TMEM129: variants seen among roughly 807,000 people sequenced by gnomAD.
TMEM129 encodes transmembrane protein 129, E3 ubiquitin ligase.
A neutral mutation model predicts 34.1 loss-of-function variants in TMEM129; 35 were observed. That is an observed-to-expected ratio of 1.03 (90% CI 0.78 to 1.36). The LOEUF is 1.36. TMEM129 is among the 40% of genes most tolerant of loss of function. TMEM129 has a pLI of 0.00. For missense variants in TMEM129, 504 were observed against 512.6 expected, an observed-to-expected ratio of 0.98 and a Z score of 0.16; for synonymous variants, 239 against 217.3, an observed-to-expected ratio of 1.10 and a Z score of -0.88.
chr4:1,717,664 G>A lies in TMEM129; in HGVS notation c.692C>T (p.Thr231Ile). The A allele has an allele frequency of 1.3e-6, 2 of 1,519,922 alleles. No homozygotes were observed. Among genetic ancestry groups the A allele is most frequent in the South Asian group, 1.3e-5 (1 of 79,560 alleles). The allele number at this position is 1,519,922 out of a possible 1,614,324, so 94.2% of individuals were successfully genotyped here. A position where few individuals can be genotyped will look rare whatever the true frequency, so the allele number is the denominator to read the frequency against. The change falls in exon 3 of 4, where the codon ACT becomes ATT. Residue 231 changes from threonine (T) to isoleucine (I), a missense_variant. Transcript: ENST00000382936. ...VQAFDIWLNS[T>I]EYGELCEKLR... is the part of the protein sequence containing the mutation. ...CTTCTCGCAGAGCTCCCCGTACTCA[G>A]TGGAGTTCAGCCTGCAGGGAGGAGA...
Position 1,718,259 on chromosome 4 carries a change from C to T in TMEM129, c.573G>A (p.Val191=), listed in dbSNP as rs753969679. The T allele has an allele frequency of 2.5e-6, 4 of 1,610,736 alleles. No homozygotes were observed. The highest frequency in any genetic ancestry group is 3.4e-6 in the Non-Finnish European group (4 of 1,178,812). The change falls in exon 2 of 4, where the codon GTG becomes GTA. Residue 191 remains valine, a synonymous_variant. Transcript: ENST00000382936. ...AGAGCTCATGCTGCCGAGACTCCGTCACAGTCAGGTGCACGTCCTGCTGCT... is the reference window on the plus strand; with the variant it reads ...AGAGCTCATGCTGCCGAGACTCCGTTACAGTCAGGTGCACGTCCTGCTGCT... ...VAQQQDVHLT[V]TESRQHELSP...
At position 1,718,425 on chromosome 4, in the gene TMEM129, G is replaced by A. The variant is rs1156267059; in HGVS notation, c.407C>T (p.Ser136Phe). Residue 136 changes from serine to phenylalanine, a missense_variant, in exon 2 of 4, where the codon TCT (serine) becomes TTT (phenylalanine). By Grantham distance (155) the Ser-to-Phe change is radical. Coordinates refer to ENST00000382936, the MANE Select transcript of TMEM129 (RefSeq NM_001127266.2). ...AGAGGAGGCAACAGCCTGCCAGCCA[G>A]ACTGTGGGAGGGCGTAGAGGGCCAG... ...RTLALYALPQ[S>F]GWQAVASSVN... 1 of 1,596,972 alleles carries A rather than the reference G, an allele frequency of 6.3e-7. No individual in the cohort carries two copies. Among genetic ancestry groups the A allele is most frequent in the African/African-American group, 1.3e-5 (1 of 74,626 alleles).
chr4:1,719,837 G>A (rs888164926), intron 1 of TMEM129, among the ~76,000 whole-genome samples: 16 of 152,250 alleles, frequency 1.1e-4, no homozygotes, highest in African/African-American at 3.4e-4. Context: ...GCCTCCACCC[G>A]ACACCTGCCT....
Position 1,719,280 on chromosome 4 carries a change from G to A in TMEM129, c.206-654C>T, listed in dbSNP as rs7695106. 277 of 455,402 alleles carry A rather than the reference G, an allele frequency of 6.1e-4. 1 individual carries two copies. The highest frequency in any genetic ancestry group is 5.0e-3 in the African/African-American group (250 of 50,166). The allele number at this position is 455,402 out of a possible 1,614,324, so 28.2% of individuals were successfully genotyped here. ...AACAATAGGTAACTAGGGGCCGGGT[G>A]CAGTGGCTCACACCTGTAATCCCAG... is the stretch of plus-strand genomic sequence containing the variant. On this transcript the variant is annotated intron_variant, in intron 1 of 3. Transcript: ENST00000382936.
Position 1,720,617 on chromosome 4 carries a change from G to A in TMEM129, c.205+16C>T, listed in dbSNP as rs1353343366. ...GCGCAGGAGAGGATGCGGCCGGCCG[G>A]CCCGAGCAGCCTCACCGAGCGGCAG... On this transcript the variant is annotated intron_variant, in intron 1 of 3. Coordinates refer to ENST00000382936, the MANE Select transcript of TMEM129 (RefSeq NM_001127266.2). The surrounding 1 kb of genome is among the most constrained non-coding windows in gnomAD (Gnocchi z 4.4). The A allele has an allele frequency of 1.3e-6, 2 of 1,533,040 alleles. No individual in the cohort carries two copies. Among genetic ancestry groups the A allele is most frequent in the Non-Finnish European group, 1.7e-6 (2 of 1,143,080 alleles). 95.0% of individuals were successfully genotyped at this position (1,533,040 alleles called of 1,614,324 possible). A position where few individuals can be genotyped will look rare whatever the true frequency, so the allele number is the denominator to read the frequency against.
rs924560908 is a variant in TMEM129, at chr4:1,716,113, A to G, written c.*1067T>C. 6.6e-6 allele frequency: 1 copy of G among 152,254 alleles called. No homozygotes were observed. Among genetic ancestry groups the G allele is most frequent in the African/African-American group, 2.4e-5 (1 of 41,460 alleles). 9.4% of individuals were successfully genotyped at this position (152,254 alleles called of 1,614,324 possible). A position where few individuals can be genotyped will look rare whatever the true frequency, so the allele number is the denominator to read the frequency against. On this transcript the variant is annotated 3_prime_UTR_variant, in exon 4 of 4. Transcript: ENST00000382936. ...TCAAAGCTAGGCCTGGCTCCCGGCC[A>G]TGGCCCCTGCTGCCTTCACCTGCTG...
chr4:1,718,643 G>A lies in TMEM129; in HGVS notation c.206-17C>T, dbSNP rs1717113631. On this transcript the variant is annotated splice_polypyrimidine_tract_variant and intron_variant, in intron 1 of 3. Transcript: ENST00000382936. ...CATAGTAGCCTGCAAAGGACAGGGT[G>A]AGCCTCAGGGGAAAGTGAGTGGCAG... 6.9e-7 allele frequency: 1 copy of A among 1,443,964 alleles called. No homozygotes were observed. The highest frequency in any genetic ancestry group is 2.9e-5 in the Admixed American group (1 of 34,952). The allele number at this position is 1,443,964 out of a possible 1,614,324, so 89.4% of individuals were successfully genotyped here.
In TMEM129 at chr4:1,721,086, A is replaced by C. The variant is rs1052519136; in HGVS notation, c.-249T>G. 1.1e-5 allele frequency: 3 copies of C among 275,718 alleles called. No individual in the cohort carries two copies. Among genetic ancestry groups the C allele is most frequent in the African/African-American group, 6.8e-5 (3 of 44,016 alleles). 17.1% of individuals were successfully genotyped at this position (275,718 alleles called of 1,614,324 possible). A position where few individuals can be genotyped will look rare whatever the true frequency, so the allele number is the denominator to read the frequency against. On this transcript the variant is annotated 5_prime_UTR_variant, in exon 1 of 4. The change abolishes the stop of an existing upstream ORF in the 5' untranslated region. Transcript: ENST00000382936. The stretch of plus-strand genomic sequence containing the variant: ...CGCCCGGCCGCCCGCGGGGCACTCT[A>C]GGGCATGGAGTCCCGCCGCTCGGCC...
rs1717102639 is a variant in TMEM129 at position 1,718,511 on chromosome 4, G to A, written c.321C>T (p.Ala107=). 2 of 1,533,024 alleles carry A rather than the reference G, an allele frequency of 1.3e-6. No homozygotes were observed. The highest frequency in any genetic ancestry group is 1.8e-6 in the Non-Finnish European group (2 of 1,134,282). The allele number at this position is 1,533,024 out of a possible 1,614,324, so 95.0% of individuals were successfully genotyped here. ...LLLAVTLPSI[A]CILIYYWSRD... Reference sequence around the variant, plus strand: ...GGGACCAGTAGTAGATCAGGATGCAGGCGATGGAGGGGAGGGTCACGGCCA... The same window carrying A: ...GGGACCAGTAGTAGATCAGGATGCAAGCGATGGAGGGGAGGGTCACGGCCA... Residue 107 remains alanine, a synonymous_variant, in exon 2 of 4, where the codon GCC becomes GCT. Coordinates refer to ENST00000382936, the MANE Select transcript of TMEM129 (RefSeq NM_001127266.2).
intron 1 of TMEM129, 53 bp from the exon 2 acceptor site, chr4:1,718,679 AC>A: frequency 2.8e-6 from 4 of 1,429,630 alleles, no homozygotes. Context: ...GCCGCTGTCC[AC>A]CCCCCGACAG....
rs1028684009 is a variant in TMEM129 at position 1,720,927 on chromosome 4, G to C, written c.-90C>G. On this transcript the variant is annotated 5_prime_UTR_variant, in exon 1 of 4. Coordinates refer to ENST00000382936, the MANE Select transcript of TMEM129 (RefSeq NM_001127266.2). This position sits in a 1 kb window ranked among gnomAD's most constrained non-coding sequence, Gnocchi z 4.4. The stretch of plus-strand genomic sequence containing the variant: ...CCCAGTCCCGGACCTGTCGGTTGCG[G>C]CGGCCGCCGCCCGGCCGCCCGCGGG... 2.5e-6 allele frequency: 3 copies of C among 1,203,924 alleles called. No homozygotes were observed. In the African/African-American group the frequency reaches 4.8e-5, roughly 19 times the overall value. 74.6% of individuals were successfully genotyped at this position (1,203,924 alleles called of 1,614,324 possible). A position where few individuals can be genotyped will look rare whatever the true frequency, so the allele number is the denominator to read the frequency against.
At position 1,720,522 on chromosome 4, in the gene TMEM129, G is replaced by C. The variant is rs1717253668; in HGVS notation, c.205+111C>G. 1 of 1,356,436 alleles carries C rather than the reference G, an allele frequency of 7.4e-7. No individual in the cohort carries two copies. Among genetic ancestry groups the C allele is most frequent in the East Asian group, 2.6e-5 (1 of 38,526 alleles). The allele number at this position is 1,356,436 out of a possible 1,614,324, so 84.0% of individuals were successfully genotyped here. A position where few individuals can be genotyped will look rare whatever the true frequency, so the allele number is the denominator to read the frequency against. ...GGATGAGGACCGGCGCCTCTCCCCA[G>C]CTGCGCCCAGGCGCTTTCGGGGCCT... On this transcript the variant is annotated intron_variant, in intron 1 of 3. Coordinates refer to ENST00000382936, the MANE Select transcript of TMEM129 (RefSeq NM_001127266.2). The surrounding 1 kb of genome is among the most constrained non-coding windows in gnomAD (Gnocchi z 4.4).
chr4:1,720,623 G>A lies in TMEM129; in HGVS notation c.205+10C>T, dbSNP rs529150053. The A allele has an allele frequency of 5.2e-6, 8 of 1,535,648 alleles. No individual in the cohort carries two copies. The South Asian group carries it at 9.6e-5, about 18-fold the overall frequency. On this transcript the variant is annotated intron_variant, in intron 1 of 3. Coordinates refer to ENST00000382936, the MANE Select transcript of TMEM129 (RefSeq NM_001127266.2). The surrounding 1 kb of genome is among the most constrained non-coding windows in gnomAD (Gnocchi z 4.4). ...GAGAGGATGCGGCCGGCCGGCCCGAGCAGCCTCACCGAGCGGCAGCAGCGA... is the reference window on the plus strand; with the variant it reads ...GAGAGGATGCGGCCGGCCGGCCCGAACAGCCTCACCGAGCGGCAGCAGCGA...
rs1212664329 is a variant in TMEM129 at position 1,716,551 on chromosome 4, T to A, written c.*629A>T. The stretch of plus-strand genomic sequence containing the variant: ...GCAGAAAAAGGCACCAAGGACAGGA[T>A]GAGAAACCCGGAGGGGCAGCCCCAC... On this transcript the variant is annotated 3_prime_UTR_variant, in exon 4 of 4. Coordinates refer to ENST00000382936, the MANE Select transcript of TMEM129 (RefSeq NM_001127266.2). The A allele has an allele frequency of 6.6e-6, 1 of 152,262 alleles. No homozygotes were observed. The highest frequency in any genetic ancestry group is 1.9e-4 in the East Asian group (1 of 5,192). The allele number at this position is 152,262 out of a possible 1,614,324, so 9.4% of individuals were successfully genotyped here.
At position 1,718,354 on chromosome 4, in the gene TMEM129, G is replaced by C. The variant is rs370546428; in HGVS notation, c.478C>G (p.Pro160Ala). Reference protein sequence around the residue: ...RRIDKFATGAPGARVIVTDTW... With the variant: ...RRIDKFATGAAGARVIVTDTW... Reference sequence around the variant, plus strand: ...TCTGTCACAATCACACGGGCACCTGGTGCACCGGTGGCAAACTTGTCAATC... The same window carrying C: ...TCTGTCACAATCACACGGGCACCTGCTGCACCGGTGGCAAACTTGTCAATC... Residue 160 changes from proline to alanine, a missense_variant, in exon 2 of 4, where the codon CCA becomes GCA. Coordinates refer to ENST00000382936, the MANE Select transcript of TMEM129 (RefSeq NM_001127266.2). 14 of 1,613,126 alleles carry C rather than the reference G, an allele frequency of 8.7e-6. No homozygotes were observed. The highest frequency in any genetic ancestry group is 1.3e-5 in the African/African-American group (1 of 74,932).
chr4:1,719,953 C>T lies in TMEM129; in HGVS notation c.205+680G>A, dbSNP rs566141848. On this transcript the variant is annotated intron_variant, in intron 1 of 3. Coordinates refer to ENST00000382936, the MANE Select transcript of TMEM129 (RefSeq NM_001127266.2). The stretch of plus-strand genomic sequence containing the variant: ...ACCTGGCCAGCCACTGGCCATCTGT[C>T]CTCCCAGGGCTGCGTCTGCCCCCGT... Among the ~76,000 whole-genome samples the T allele has an allele frequency of 1.0e-3, 153 of 152,306 alleles. 1 individual carries two copies. The Middle Eastern group carries it at 0.017, about 17-fold the overall frequency.
chr4:1,720,623 G>C lies in TMEM129; in HGVS notation c.205+10C>G, dbSNP rs529150053. 3.3e-5 allele frequency: 51 copies of C among 1,535,648 alleles called. No individual in the cohort carries two copies. The African/African-American group carries it at 6.3e-4, about 19-fold the overall frequency. ...GAGAGGATGCGGCCGGCCGGCCCGA[G>C]CAGCCTCACCGAGCGGCAGCAGCGA... is the stretch of plus-strand genomic sequence containing the variant. On this transcript the variant is annotated intron_variant, in intron 1 of 3. Transcript: ENST00000382936. The surrounding 1 kb of genome is among the most constrained non-coding windows in gnomAD (Gnocchi z 4.4).
In TMEM129 at chr4:1,721,174, C is replaced by G. The variant is rs1717318640; in HGVS notation, c.-337G>C. 5.0e-6 allele frequency: 1 copy of G among 199,848 alleles called. No individual in the cohort carries two copies. The highest frequency in any genetic ancestry group is 9.8e-6 in the Non-Finnish European group (1 of 102,010). The allele number at this position is 199,848 out of a possible 1,614,324, so 12.4% of individuals were successfully genotyped here. ...GGTGCGGCCTCTCTTCTCGGCCGGC[C>G]CTGGAGGCGGCACCGCACCTGTGCA... is the stretch of plus-strand genomic sequence containing the variant. On this transcript the variant is annotated 5_prime_UTR_variant, in exon 1 of 4. Coordinates refer to ENST00000382936, the MANE Select transcript of TMEM129 (RefSeq NM_001127266.2).
rs1175479041 is a variant in TMEM129, at chr4:1,716,773, T to C, written c.*407A>G. ...TCCAGGACAGGGCAGGAGAATGCGG[T>C]CCAGGTCTGGCACGTAACTGAGGGT... is the stretch of plus-strand genomic sequence containing the variant. On this transcript the variant is annotated 3_prime_UTR_variant, in exon 4 of 4. Coordinates refer to ENST00000382936, the MANE Select transcript of TMEM129 (RefSeq NM_001127266.2). The C allele has an allele frequency of 1.1e-5, 2 of 177,256 alleles. No individual in the cohort carries two copies. The highest frequency in any genetic ancestry group is 2.4e-5 in the African/African-American group (1 of 42,494). 11.0% of individuals were successfully genotyped at this position (177,256 alleles called of 1,614,324 possible). A position where few individuals can be genotyped will look rare whatever the true frequency, so the allele number is the denominator to read the frequency against.
Sources: gnomAD v4.1 joint callset for allele counts (sites outside exome capture counted in the v4.1 genomes callset) on GRCh38, gnomAD v4.1.1 for gene constraint, Gnocchi (gnomAD v3.1) non-coding constraint, MANE v1.5 for transcripts, NCBI Gene and HGNC (gene_info 2026-07-23, HGNC 2026-07-21) for gene names.